GIPC2: variants seen among roughly 807,000 people sequenced by gnomAD.
GIPC2 encodes PDZ domain-containing protein GIPC2.
A neutral mutation model predicts 30.6 loss-of-function variants in GIPC2; 30 were observed. That is an observed-to-expected ratio of 0.98 (90% CI 0.73 to 1.33). The LOEUF (loss-of-function observed/expected upper bound fraction) is 1.33, where lower values mean the gene tolerates loss of function less well. Ranked by LOEUF, GIPC2 falls within the 40% of genes most tolerant of loss-of-function variation. The probability of loss-of-function intolerance (pLI) is 0.00; values close to 1 mark genes in which losing one functional copy is unlikely to be tolerated. For synonymous variants in GIPC2, 167 were observed against 150.0 expected, an observed-to-expected ratio of 1.11 and a Z score of -0.83; for missense variants, 414 against 390.3, an observed-to-expected ratio of 1.06 and a Z score of -0.51.
intron 1 of GIPC2, among the ~76,000 whole-genome samples, chr1:78,058,662 A>G (rs1661338837): frequency 6.6e-6 from 1 of 152,180 alleles, no homozygotes; most frequent in African/African-American, 2.4e-5. Context: ...TGGGAACTGT[A>G]TTTTGTAAAT....
At chr1:78,091,826 A>G in intron 2 of GIPC2, 1 of 777,460 alleles carries the variant, frequency 1.3e-6, no homozygotes, top group Non-Finnish European at 2.4e-6. Flanking sequence ...AGCTGATAAT[A>G]GAAGGATGTC....
chr1:78,050,704 A>G (rs903940220), intron 1 of GIPC2, among the ~76,000 whole-genome samples: 3 of 149,666 alleles, frequency 2.0e-5, no homozygotes, highest in African/African-American at 7.4e-5. Flanking sequence ...GTGCTATCTC[A>G]GCTCACTACA....
intron 1 of GIPC2, among the ~76,000 whole-genome samples, chr1:78,077,638 G>A (rs1296539917): frequency 3.9e-5 from 6 of 152,038 alleles, no homozygotes; most frequent in African/African-American, 9.7e-5. Flanking sequence ...TAGTTTGTCC[G>A]TCAGAGAGTG....
In GIPC2 at chr1:78,091,668, A is replaced by T. The variant is rs895939927; in HGVS notation, c.427-3284A>T. 17 of 772,842 alleles carry T rather than the reference A, an allele frequency of 2.2e-5. No homozygotes were observed. The Admixed American group carries it at 2.9e-4, about 13-fold the overall frequency. 47.9% of individuals were successfully genotyped at this position (772,842 alleles called of 1,614,324 possible). A position where few individuals can be genotyped will look rare whatever the true frequency, so the allele number is the denominator to read the frequency against. On this transcript the variant is annotated intron_variant, in intron 2 of 5. Coordinates refer to ENST00000370759, the MANE Select transcript of GIPC2 (RefSeq NM_017655.6). ...AGAATATGGCATATGGATCTTATTC[A>T]GTCTGCTGTTTTCTATAGTGTGATG...
intron 4 of GIPC2, among the ~76,000 whole-genome samples, chr1:78,125,487 G>C (rs1662765991): frequency 6.6e-6 from 1 of 152,172 alleles, no homozygotes; most frequent in Admixed American, 6.5e-5. Context: ...ACTGTGCTCA[G>C]CCAAGTCACC....
At chr1:78,121,318 C>CG (rs906351124) in intron 4 of GIPC2, among the ~76,000 whole-genome samples, 20 of 151,834 alleles carry the variant, frequency 1.3e-4, no homozygotes, top group Admixed American at 5.9e-4. Context: ...CCTGTGAGCT[C>CG]GGGGGGGCAG....
chr1:78,070,810 A>T (rs537241539), intron 1 of GIPC2, among the ~76,000 whole-genome samples: 1 of 152,250 alleles, frequency 6.6e-6, no homozygotes, highest in Non-Finnish European at 1.5e-5. Context: ...CTTATTTGTC[A>T]TATTATTTTA....
At chr1:78,121,990 A>G (rs1347571484) in intron 4 of GIPC2, among the ~76,000 whole-genome samples, 6 of 152,188 alleles carry the variant, frequency 3.9e-5, no homozygotes, top group Non-Finnish European at 8.8e-5. Flanking sequence ...GGTCAGCAGG[A>G]AAAATGCCAC....
chr1:78,092,187 A>G, intron 2 of GIPC2: 2 of 593,918 alleles, frequency 3.4e-6, no homozygotes. Flanking sequence ...AACCCAAGGG[A>G]ATGTAATTGA....
At position 78,119,476 on chromosome 1, in the gene GIPC2, G is replaced by A. The variant is rs1662638584; in HGVS notation, c.691G>A (p.Gly231Ser). 4 of 1,608,880 alleles carry A rather than the reference G, an allele frequency of 2.5e-6. No individual in the cohort carries two copies. Among genetic ancestry groups the A allele is most frequent in the Non-Finnish European group, 3.4e-6 (4 of 1,175,510 alleles). Residue 231 changes from glycine to serine, a missense_variant, in exon 4 of 6, where the codon GGT becomes AGT. Physicochemically the swap from Gly to Ser is moderately conservative, Grantham distance 56. Coordinates refer to ENST00000370759, the MANE Select transcript of GIPC2 (RefSeq NM_017655.6). ...GRATLRLRSK[G>S]PATVEEMPSE... ...GGCAACACTTCGCCTGAGATCAAAAGGTCCTGCCACCGTGGAAGAAATGGT... is the reference window on the plus strand; with the variant it reads ...GGCAACACTTCGCCTGAGATCAAAAAGTCCTGCCACCGTGGAAGAAATGGT...
rs1236345629 is a variant in GIPC2, at chr1:78,125,924, T to G, written c.758T>G (p.Val253Gly). The G allele has an allele frequency of 1.3e-6, 2 of 1,589,856 alleles. No homozygotes were observed. Among genetic ancestry groups the G allele is most frequent in the Non-Finnish European group, 1.7e-6 (2 of 1,158,288 alleles). Residue 253 changes from valine to glycine, a missense_variant, in exon 5 of 6, where the codon GTT becomes GGT. Coordinates refer to ENST00000370759, the MANE Select transcript of GIPC2 (RefSeq NM_017655.6). The part of the protein sequence containing the change: ...KAKAIEKIDD[V>G]LELYMGIRDI... The stretch of plus-strand genomic sequence containing the variant: ...AAGGCAATTGAAAAGATTGATGATG[T>G]TCTTGAGTTGTACATGGGAATTCGA...
At chr1:78,083,490 T>C (rs959950040) in intron 2 of GIPC2, among the ~76,000 whole-genome samples, 3 of 152,208 alleles carry the variant, frequency 2.0e-5, no homozygotes, top group Admixed American at 6.5e-5. Context: ...TTGTGATACG[T>C]AATTGTGGAG....
chr1:78,105,497 A>G (rs2100399597), intron 3 of GIPC2, among the ~76,000 whole-genome samples: 1 of 152,218 alleles, frequency 6.6e-6, no homozygotes, highest in South Asian at 2.1e-4. Context: ...CATGTTGGCC[A>G]AGATGGTCTC....
Position 78,119,546 on chromosome 1 carries a change from T to A in GIPC2, c.714+47T>A, listed in dbSNP as rs764613315. 67 of 1,174,390 alleles carry A rather than the reference T, an allele frequency of 5.7e-5. 1 individual carries two copies. In the East Asian group the frequency reaches 1.3e-3, roughly 24 times the overall value. The allele number at this position is 1,174,390 out of a possible 1,614,324, so 72.7% of individuals were successfully genotyped here. ...CCTGTTCTGCTTGGAAATGTTGAGTTAGATAAAATTCCATTCATTCTAACC... is the reference window on the plus strand; with the variant it reads ...CCTGTTCTGCTTGGAAATGTTGAGTAAGATAAAATTCCATTCATTCTAACC... On this transcript the variant is annotated intron_variant, in intron 4 of 5. Coordinates refer to ENST00000370759, the MANE Select transcript of GIPC2 (RefSeq NM_017655.6).
chr1:78,114,137 A>G (rs1662524377), intron 3 of GIPC2, among the ~76,000 whole-genome samples: 1 of 152,222 alleles, frequency 6.6e-6, no homozygotes, highest in African/African-American at 2.4e-5. Context: ...GACGTATGAC[A>G]GGCGGACGGC....
chr1:78,085,150 A>G (rs1450202566), intron 2 of GIPC2, among the ~76,000 whole-genome samples: 2 of 152,164 alleles, frequency 1.3e-5, no homozygotes, highest in African/African-American at 4.8e-5. Context: ...AGGGTGTTGA[A>G]TTTTATCAAA....
intron 1 of GIPC2, among the ~76,000 whole-genome samples, chr1:78,063,270 C>T (rs930076149): frequency 4.0e-5 from 6 of 151,564 alleles, no homozygotes; most frequent in East Asian, 3.9e-4. Context: ...GAGGCCGAGA[C>T]GGGCAGGGGT....
intron 5 of GIPC2, among the ~76,000 whole-genome samples, chr1:78,133,904 T>G (rs1023855871): frequency 2.0e-5 from 3 of 152,170 alleles, no homozygotes; most frequent in Admixed American, 6.5e-5. Context: ...TGTGAACTCT[T>G]GCACTCTGAC....
intron 3 of GIPC2, among the ~76,000 whole-genome samples, chr1:78,106,674 T>G (rs1662359682): frequency 6.6e-6 from 1 of 152,198 alleles, no homozygotes; most frequent in Non-Finnish European, 1.5e-5. Context: ...CAGTGGATTT[T>G]TAATTTTATT....
Sources: allele counts gnomAD v4.1 joint callset (sites outside exome capture counted in the v4.1 genomes callset), GRCh38; gene constraint gnomAD v4.1.1; transcripts MANE v1.5; gene names NCBI Gene and HGNC (gene_info 2026-07-23, HGNC 2026-07-21).